Variants in ANKRD30BL observed in about 807,000 individuals in gnomAD.
ANKRD30BL encodes the protein putative ankyrin repeat domain-containing protein 30B-like.
In ANKRD30BL, 20 loss-of-function variants were observed where a neutral mutation model predicts 18.4. The ratio of observed to expected loss-of-function variants is 1.09; its 90% confidence interval spans 0.77 to 1.58. The LOEUF (loss-of-function observed/expected upper bound fraction) is 1.58, where lower values mean the gene tolerates loss of function less well. Among genes scored for constraint, ANKRD30BL ranks in the 40% most tolerant of loss-of-function variants. The pLI is 0.00. For synonymous variants in ANKRD30BL, 72 were observed against 100.9 expected, an observed-to-expected ratio of 0.71 and a Z score of 1.72; for missense variants, 224 against 268.6, an observed-to-expected ratio of 0.83 and a Z score of 1.16.
chr2:132,211,713 G>A (rs1489210854), intron 1 of ANKRD30BL, among the ~76,000 whole-genome samples: 1 of 151,662 alleles, frequency 6.6e-6, no homozygotes, highest in East Asian at 1.9e-4. Flanking sequence ...GCTCTTTGGG[G>A]CCTATGGTGG....
At chr2:132,178,253 C>T (rs562755018) in intron 1 of ANKRD30BL, among the ~76,000 whole-genome samples, 156 of 152,226 alleles carry the variant, frequency 1.0e-3, no homozygotes, top group African/African-American at 3.3e-3. Context: ...CTAAAATGTA[C>T]GGCAGAGTAA....
chr2:132,250,586 C>G (rs1680624552), intron 1 of ANKRD30BL, among the ~76,000 whole-genome samples: 1 of 152,162 alleles, frequency 6.6e-6, no homozygotes, highest in Admixed American at 6.5e-5. Context: ...GAAAAGAAAA[C>G]AGATTCAGGG....
chr2:132,210,513 A>T (rs1307606567), intron 1 of ANKRD30BL, among the ~76,000 whole-genome samples: 1 of 151,320 alleles, frequency 6.6e-6, no homozygotes, highest in Admixed American at 6.6e-5. Context: ...GGAGCGCCTT[A>T]AGGTCTATGG....
At chr2:132,205,939 T>C (rs1362227307) in intron 1 of ANKRD30BL, among the ~76,000 whole-genome samples, 5 of 152,064 alleles carry the variant, frequency 3.3e-5, no homozygotes, top group Non-Finnish European at 5.9e-5. Context: ...GGTGGATGGA[T>C]CACAACATCA....
intron 1 of ANKRD30BL, among the ~76,000 whole-genome samples, chr2:132,241,832 C>T (rs113804886): frequency 3.1e-4 from 44 of 144,208 alleles, no homozygotes; most frequent in Non-Finnish European, 5.1e-4. Flanking sequence ...AGCTTTGAGG[C>T]TTTCGTTGGA....
intron 1 of ANKRD30BL, among the ~76,000 whole-genome samples, chr2:132,178,710 T>A (rs1688405556): frequency 6.6e-6 from 1 of 152,052 alleles, no homozygotes; most frequent in Non-Finnish European, 1.5e-5. Flanking sequence ...AGAAAATATT[T>A]TAAGAAATAA....
intron 1 of ANKRD30BL, among the ~76,000 whole-genome samples, chr2:132,203,400 C>A (rs892596763): frequency 5.3e-5 from 8 of 152,188 alleles, no homozygotes; most frequent in African/African-American, 9.6e-5. Flanking sequence ...TTGTTCATTT[C>A]TGAGATTCAC....
rs1440219335 is a variant in ANKRD30BL at position 132,154,757 on chromosome 2, T to C, written c.519A>G (p.Thr173=). The C allele has an allele frequency of 1.4e-6, 1 of 712,718 alleles. No homozygotes were observed. Among genetic ancestry groups the C allele is most frequent in the Non-Finnish European group, 2.6e-6 (1 of 384,854 alleles). 44.1% of individuals were successfully genotyped at this position (712,718 alleles called of 1,614,324 possible). The change falls in exon 4 of 6, where the codon ACA becomes ACG. Residue 173 remains threonine (T), a synonymous_variant. Coordinates refer to ENST00000409867, the MANE Select transcript of ANKRD30BL (RefSeq NM_001358416.1). The stretch of plus-strand genomic sequence containing the variant: ...TTTTCCTTATGGCCAGTAAAAGTGG[T>C]GTGTGGCCAGCCTGTAAAACAGCAA... ...DIEVKNKAGH[T]PLLLAIRKRS...
chr2:132,213,826 AACTAGACAGAATCTTTCT>A (rs1255089163), intron 1 of ANKRD30BL, among the ~76,000 whole-genome samples: 6 of 152,206 alleles, frequency 3.9e-5, no homozygotes, highest in Admixed American at 1.3e-4. Context: ...TTCCCATAAA[AACTAGACAGAATCTTTCT>A]TAGAAAATTC....
intron 1 of ANKRD30BL, among the ~76,000 whole-genome samples, chr2:132,169,472 C>A (rs1185530983): frequency 6.6e-5 from 10 of 152,082 alleles, no homozygotes; most frequent in Non-Finnish European, 1.3e-4. Flanking sequence ...CATGGTGAAA[C>A]CCCATCTCTA....
At chr2:132,211,371 T>G (rs1405489870) in intron 1 of ANKRD30BL, among the ~76,000 whole-genome samples, 1 of 150,098 alleles carries the variant, frequency 6.7e-6, no homozygotes, top group Non-Finnish European at 1.5e-5. Context: ...GCGCTTTGAG[T>G]CTTCTGGTGG....
At chr2:132,202,449 A>G (rs1178421205) in intron 1 of ANKRD30BL, among the ~76,000 whole-genome samples, 2 of 151,214 alleles carry the variant, frequency 1.3e-5, no homozygotes, top group African/African-American at 4.9e-5. Context: ...TTTTTTACAA[A>G]TGGGACTTGA....
At chr2:132,233,944 C>T (rs1171491630) in intron 1 of ANKRD30BL, among the ~76,000 whole-genome samples, 2 of 152,100 alleles carry the variant, frequency 1.3e-5, no homozygotes, top group Admixed American at 1.3e-4. Flanking sequence ...AAGTAAAGCT[C>T]TCCTCAGCAA....
upstream of ANKRD30BL, among the ~76,000 whole-genome samples, chr2:132,165,293 C>G (rs6749958): frequency 0.21 from 30,883 of 149,040 alleles, 3,772 homozygotes; most frequent in African/African-American, 0.34. Context: ...TATGAGACCT[C>G]TTGGTTTCTT....
At chr2:132,241,222 T>G (rs1019350917) in intron 1 of ANKRD30BL, among the ~76,000 whole-genome samples, 3 of 152,036 alleles carry the variant, frequency 2.0e-5, no homozygotes, top group Non-Finnish European at 2.9e-5. Flanking sequence ...CTTTGTGATG[T>G]GTGTACTCAA....
intron 1 of ANKRD30BL, among the ~76,000 whole-genome samples, chr2:132,216,617 A>T (rs1272142096): frequency 1.3e-5 from 2 of 152,106 alleles, no homozygotes; most frequent in Admixed American, 6.6e-5. Flanking sequence ...TTGATTGAGC[A>T]CCTTTGAAAC....
At chr2:132,169,165 A>G (rs925588651) in intron 1 of ANKRD30BL, among the ~76,000 whole-genome samples, 22 of 152,148 alleles carry the variant, frequency 1.4e-4, no homozygotes, top group Non-Finnish European at 2.5e-4. Context: ...AGAATTTTTT[A>G]GATTTCCTAG....
intron 1 of ANKRD30BL, among the ~76,000 whole-genome samples, chr2:132,211,205 T>A (rs1573846094): frequency 6.6e-6 from 1 of 152,012 alleles, no homozygotes; most frequent in African/African-American, 2.4e-5. Context: ...TTGAGGCCTA[T>A]GGTGGAAAAG....
chr2:132,173,544 GCCTCAGCCTCCCAAA>G (rs1558919525), intron 1 of ANKRD30BL, among the ~76,000 whole-genome samples: 7 of 151,584 alleles, frequency 4.6e-5, no homozygotes, highest in African/African-American at 1.7e-4. Flanking sequence ...TGATCCACCC[GCCTCAGCCTCCCAAA>G]GTGCTGGGAT....
Sources: allele counts gnomAD v4.1 joint callset (sites outside exome capture counted in the v4.1 genomes callset), GRCh38; gene constraint gnomAD v4.1.1; transcripts MANE v1.5; gene names NCBI Gene and HGNC (gene_info 2026-07-23, HGNC 2026-07-21).